The following FBXL17 variants were observed in gnomAD, a reference collection of about 807,000 sequenced individuals.
The protein encoded by FBXL17 is F-box and leucine rich repeat protein 17.
Under a neutral mutation model 66.2 loss-of-function variants are expected in FBXL17, and 22 were observed. The observed-to-expected ratio is 0.33, with a 90% CI of 0.24 to 0.47. FBXL17 has a LOEUF of 0.47. FBXL17 is among the 20% of genes least tolerant of loss of function. The pLI, the probability that FBXL17 is intolerant of heterozygous loss-of-function variation, is 1.00. For synonymous variants in FBXL17, 474 were observed against 400.5 expected (o/e 1.18, Z -2.19); for missense variants, 878 against 948.2 (o/e 0.93, Z 0.97).
At chr5:108,033,920 T>C (rs1393363605) in intron 6 of FBXL17, among the ~76,000 whole-genome samples, 1 of 152,220 alleles carries the variant, frequency 6.6e-6, no homozygotes, top group African/African-American at 2.4e-5. Flanking sequence ...AATTGGGTAA[T>C]ATTTTTAAAG....
At chr5:108,162,957 A>G (rs2150008557) in intron 6 of FBXL17, among the ~76,000 whole-genome samples, 1 of 152,280 alleles carries the variant, frequency 6.6e-6, no homozygotes, top group Non-Finnish European at 1.5e-5. Context: ...ACTATGTATC[A>G]CCAGTACAAA....
chr5:108,378,029 T>C (rs908877111), intron 1 of FBXL17, among the ~76,000 whole-genome samples: 2 of 152,228 alleles, frequency 1.3e-5, no homozygotes, highest in Admixed American at 6.5e-5. Context: ...ATTTAAGATG[T>C]GGGTAATAAG....
intron 7 of FBXL17, among the ~76,000 whole-genome samples, chr5:107,946,416 G>C (rs918554776): frequency 6.9e-6 from 1 of 144,984 alleles, no homozygotes; most frequent in South Asian, 2.2e-4. Context: ...TCAGCCATCA[G>C]AGTAACTAGG....
rs1421367687 is a variant in FBXL17, at chr5:108,373,145, T to C, written c.994-5192A>G. On this transcript the variant is annotated intron_variant, in intron 1 of 8. Coordinates refer to ENST00000542267, the MANE Select transcript of FBXL17 (RefSeq NM_001163315.3). ...GAAATACACACATAATTATTTACTA[T>C]ATTTTATTTATATATATAATTCTCA... 4.1e-5 allele frequency among the ~76,000 whole-genome samples: 6 copies of C among 148,040 alleles called. No individual in the cohort carries two copies. The Admixed American group carries it at 4.1e-4, about 10-fold the overall frequency.
At chr5:107,992,858 C>G (rs1408888002) in intron 7 of FBXL17, among the ~76,000 whole-genome samples, 2 of 152,026 alleles carry the variant, frequency 1.3e-5, no homozygotes, top group Non-Finnish European at 2.9e-5. Context: ...TTTAATTAAG[C>G]CATTACCCAG....
At chr5:108,084,700 A>C (rs2149922876) in intron 6 of FBXL17, among the ~76,000 whole-genome samples, 1 of 152,190 alleles carries the variant, frequency 6.6e-6, no homozygotes, top group South Asian at 2.1e-4. Context: ...TCTCTAATTA[A>C]AACTAGAAAT....
intron 4 of FBXL17, among the ~76,000 whole-genome samples, chr5:108,225,081 G>A (rs1259318179): frequency 2.0e-5 from 3 of 151,934 alleles, no homozygotes; most frequent in Non-Finnish European, 4.4e-5. Context: ...GCCCATTAAC[G>A]GTCATTCCCC....
intron 5 of FBXL17, among the ~76,000 whole-genome samples, chr5:108,215,565 GCTGT>G (rs1754563439): frequency 1.3e-5 from 2 of 152,210 alleles, no homozygotes; most frequent in Middle Eastern, 3.4e-3. Flanking sequence ...AAAAAATTAG[GCTGT>G]CTTTTTGTTG....
intron 6 of FBXL17, among the ~76,000 whole-genome samples, chr5:108,043,248 T>A (rs2112807511): frequency 6.6e-6 from 1 of 152,278 alleles, no homozygotes; most frequent in South Asian, 2.1e-4. Flanking sequence ...AGTTTGTCAA[T>A]TTTCCTTTTA....
At chr5:108,067,350 T>C (rs925645575) in intron 6 of FBXL17, among the ~76,000 whole-genome samples, 1 of 152,170 alleles carries the variant, frequency 6.6e-6, no homozygotes, top group Admixed American at 6.5e-5. Flanking sequence ...TTAGTAAGCA[T>C]AGAACCTCAC....
At chr5:108,276,361 T>A (rs1757482468) in intron 4 of FBXL17, among the ~76,000 whole-genome samples, 1 of 152,200 alleles carries the variant, frequency 6.6e-6, no homozygotes. Flanking sequence ...CTGTGATGAT[T>A]GATTGCATTT....
At chr5:107,891,315 T>C (rs1457652141) in intron 7 of FBXL17, among the ~76,000 whole-genome samples, 1 of 152,166 alleles carries the variant, frequency 6.6e-6, no homozygotes, top group Non-Finnish European at 1.5e-5. Flanking sequence ...TTGTAGGCCA[T>C]TTTTAGCAAT....
intron 6 of FBXL17, among the ~76,000 whole-genome samples, chr5:108,119,560 G>C (rs575336410): frequency 1.3e-5 from 2 of 152,252 alleles, no homozygotes; most frequent in Middle Eastern, 3.4e-3. Flanking sequence ...ACTCAATGAA[G>C]AAAGTTCTGG....
chr5:108,016,027 G>A (rs288176), intron 7 of FBXL17, among the ~76,000 whole-genome samples: 111,537 of 152,150 alleles, frequency 0.73, 41,154 homozygotes, highest in East Asian at 0.93. Flanking sequence ...CCCAGCACAC[G>A]GTGGGTGCTG....
intron 6 of FBXL17, among the ~76,000 whole-genome samples, chr5:108,100,225 C>T (rs888537286): frequency 6.6e-6 from 1 of 152,124 alleles, no homozygotes; most frequent in Non-Finnish European, 1.5e-5. Flanking sequence ...GATCTTTGGA[C>T]TCTGTTTCTT....
chr5:108,005,594 G>C (rs1373346198), intron 7 of FBXL17, among the ~76,000 whole-genome samples: 1 of 152,130 alleles, frequency 6.6e-6, no homozygotes, highest in African/African-American at 2.4e-5. Context: ...TCCCAGATCT[G>C]TTCTCTGGCA....
intron 4 of FBXL17, among the ~76,000 whole-genome samples, chr5:108,300,521 A>G (rs977154212): frequency 4.0e-5 from 6 of 151,862 alleles, no homozygotes; most frequent in Non-Finnish European, 8.8e-5. Context: ...ACTAATGACT[A>G]TAAAAGATCT....
intron 4 of FBXL17, among the ~76,000 whole-genome samples, chr5:108,256,807 C>T (rs1288590285): frequency 1.3e-5 from 2 of 152,038 alleles, no homozygotes; most frequent in East Asian, 1.9e-4. Flanking sequence ...CTTCTCCTTC[C>T]CTGCACAAGT....
At chr5:108,165,511 A>G (rs1019319651) in intron 6 of FBXL17, among the ~76,000 whole-genome samples, 1 of 152,220 alleles carries the variant, frequency 6.6e-6, no homozygotes, top group African/African-American at 2.4e-5. Context: ...AAGAAAACAA[A>G]CGTTGGTGAC....
Sources: gnomAD v4.1 joint callset for allele counts (sites outside exome capture counted in the v4.1 genomes callset) on GRCh38, gnomAD v4.1.1 for gene constraint, MANE v1.5 for transcripts, NCBI Gene and HGNC (gene_info 2026-07-23, HGNC 2026-07-21) for gene names.